Variants in POLR1A observed in about 807,000 individuals in gnomAD.
The protein encoded by POLR1A is DNA-directed RNA polymerase I subunit RPA1.
Under a neutral mutation model 205.3 loss-of-function variants are expected in POLR1A, and 84 were observed. The ratio of observed to expected loss-of-function variants is 0.41; its 90% CI spans 0.34 to 0.49. The LOEUF (loss-of-function observed/expected upper bound fraction) is 0.49, where lower values mean the gene tolerates loss of function less well. Ranked by LOEUF, POLR1A falls within the 20% of genes least tolerant of loss-of-function variation. The probability of loss-of-function intolerance (pLI) is 0.22; values close to 1 mark genes in which losing one functional copy is unlikely to be tolerated. For synonymous variants in POLR1A, 799 were observed against 863.7 expected, an observed-to-expected ratio of 0.93 and a Z score of 1.31; for missense variants, 1,645 against 2,204.5, an observed-to-expected ratio of 0.75 and a Z score of 5.08.
At chr2:86,045,808 A>G in intron 19 of POLR1A, 39 bp from the exon 20 acceptor site, 1 of 1,574,290 alleles carries the variant, frequency 6.4e-7, no homozygotes, top group African/African-American at 1.4e-5. Context: ...GAAGATCCAC[A>G]TGTGTGTTTA....
chr2:86,047,182 T>C lies in POLR1A; in HGVS notation c.2716A>G (p.Thr906Ala), dbSNP rs1425935611. ...MMVQSGAKGS[T>A]VNTMQISCLL... is the part of the protein sequence containing the mutation. ...GCACATACCTGCATCGTGTTCACAG[T>C]TGAACCTTTGGCTCCCGACTGCACC... The change falls in exon 19 of 34, where the codon ACT becomes GCT. Residue 906 changes from threonine (T) to alanine (A), a missense_variant. Transcript: ENST00000263857. 1.9e-6 allele frequency: 3 copies of C among 1,613,918 alleles called. No individual in the cohort carries two copies. The highest frequency in any genetic ancestry group is 1.3e-5 in the African/African-American group (1 of 74,934).
chr2:86,092,830 AAAAG>A (rs1187044291), intron 3 of POLR1A, among the ~76,000 whole-genome samples: 1 of 152,210 alleles, frequency 6.6e-6, no homozygotes. Flanking sequence ...CTCTCAAAAA[AAAAG>A]AAAGAATTAT....
chr2:86,038,956 G>T, intron 26 of POLR1A, 99 bp from the exon 27 acceptor site: 6 of 1,118,646 alleles, frequency 5.4e-6, no homozygotes, highest in Non-Finnish European at 8.0e-6. Flanking sequence ...AGAGATAGCA[G>T]CTGAGACCAC....
At position 86,031,488 on chromosome 2, in the gene POLR1A, G is replaced by T. The variant is rs780216421; in HGVS notation, c.4420C>A (p.Pro1474Thr). ...EEVGLGTEED[P>T]SLPALLTQPR... ...TGCGTCAGGAGGGCGGGAAGGGACG[G>T]GTCCTCCTCAGTGCCTAAGCCCACC... is the stretch of plus-strand genomic sequence containing the variant. Residue 1474 changes from proline to threonine, a missense_variant, in exon 30 of 34, where the codon CCG becomes ACG. Pro to Thr is a conservative substitution (Grantham distance 38, BLOSUM62 -1). This residue lies in a region of POLR1A where 394 missense variants were observed against 468.5 expected (regional missense o/e 0.84). Transcript: ENST00000263857. 5 of 1,614,116 alleles carry T rather than the reference G, an allele frequency of 3.1e-6. No individual in the cohort carries two copies. In the South Asian group the frequency reaches 5.5e-5, roughly 18 times the overall value.
intron 1 of POLR1A, among the ~76,000 whole-genome samples, chr2:86,102,507 T>C (rs1299295474): frequency 6.6e-6 from 1 of 152,252 alleles, no homozygotes; most frequent in Admixed American, 6.5e-5. Context: ...TCTTTTTATG[T>C]TCTAGATATC....
In POLR1A at chr2:86,027,023, C is replaced by T. The variant is rs2104375212; in HGVS notation, c.*400G>A. On this transcript the variant is annotated 3_prime_UTR_variant, in exon 34 of 34. Coordinates refer to ENST00000263857, the MANE Select transcript of POLR1A (RefSeq NM_015425.6). ...ACAGCAAAAGAACCCCGCTTCCCTA[C>T]TCTGGAGGTGCCTGGGGTCCCCAGC... 1 of 200,346 alleles carries T rather than the reference C, an allele frequency of 5.0e-6. No individual in the cohort carries two copies. Among genetic ancestry groups the T allele is most frequent in the African/African-American group, 2.3e-5 (1 of 43,964 alleles). The allele number at this position is 200,346 out of a possible 1,614,324, so 12.4% of individuals were successfully genotyped here.
Position 86,039,480 on chromosome 2 carries a change from C to G in POLR1A, c.3741-18G>C, listed in dbSNP as rs372948671. The G allele has an allele frequency of 1.9e-6, 3 of 1,613,998 alleles. No homozygotes were observed. The African/African-American group carries it at 4.0e-5, about 22-fold the overall frequency. ...CCCGCAACCTGTCACAGAATAAGGG[C>G]ACATCCAATCATGAGTGGCAACCAG... On this transcript the variant is annotated intron_variant, in intron 25 of 33. Transcript: ENST00000263857.
At chr2:86,053,979 C>A (rs189179607) in intron 15 of POLR1A, among the ~76,000 whole-genome samples, 161 bp downstream of exon 15, 1 of 152,352 alleles carries the variant, frequency 6.6e-6, no homozygotes, top group African/African-American at 2.4e-5. Flanking sequence ...ACCCTGAACC[C>A]TTCCGAAACA....
At chr2:86,046,608 G>C (rs1443629094) in intron 19 of POLR1A, among the ~76,000 whole-genome samples, 2 of 152,144 alleles carry the variant, frequency 1.3e-5, no homozygotes, top group Admixed American at 6.5e-5. Flanking sequence ...CACTTTGGGA[G>C]GTCGAGGTGG....
chr2:86,088,091 G>C (rs867443866), intron 6 of POLR1A, among the ~76,000 whole-genome samples: 1 of 152,188 alleles, frequency 6.6e-6, no homozygotes, highest in Non-Finnish European at 1.5e-5. Flanking sequence ...GGGTAGGGCA[G>C]AGCTGAGGAA....
At chr2:86,072,387 C>G (rs1673195952) in intron 12 of POLR1A, among the ~76,000 whole-genome samples, 1 of 152,238 alleles carries the variant, frequency 6.6e-6, no homozygotes, top group Non-Finnish European at 1.5e-5. Context: ...AGACCTGTGG[C>G]CCAAGCCCAA....
At chr2:86,061,910 G>T (rs1288534152) in intron 14 of POLR1A, among the ~76,000 whole-genome samples, 1 of 152,182 alleles carries the variant, frequency 6.6e-6, no homozygotes, top group African/African-American at 2.4e-5. Context: ...GTGAGAGTTT[G>T]CAAAGATGTA....
rs772592002 is a variant in POLR1A at position 86,081,621 on chromosome 2, G to A, written c.903C>T (p.Phe301=). ...RFNPSVFFLD[F]LVVPPSRYRP... is the part of the protein sequence containing the mutation. Reference sequence around the variant, plus strand: ...ATTACCTTGAGGGCGGCACCACCAAGAAATCTAGAAAGAACACACTGGGAT... The same window carrying A: ...ATTACCTTGAGGGCGGCACCACCAAAAAATCTAGAAAGAACACACTGGGAT... The change falls in exon 8 of 34, where the codon TTC becomes TTT. Residue 301 remains phenylalanine, a synonymous_variant. Coordinates refer to ENST00000263857, the MANE Select transcript of POLR1A (RefSeq NM_015425.6). 2.3e-5 allele frequency: 37 copies of A among 1,604,804 alleles called. No individual in the cohort carries two copies. The highest frequency in any genetic ancestry group is 3.1e-5 in the Non-Finnish European group (36 of 1,175,630).
intron 6 of POLR1A, among the ~76,000 whole-genome samples, chr2:86,084,356 G>A (rs1351879020): frequency 1.3e-5 from 2 of 151,830 alleles, no homozygotes; most frequent in Non-Finnish European, 2.9e-5. Context: ...GGCAGAGGCT[G>A]TAGGGAGCCG....
At chr2:86,074,067 G>A (rs1251411887) in intron 12 of POLR1A, among the ~76,000 whole-genome samples, 1 of 152,166 alleles carries the variant, frequency 6.6e-6, no homozygotes, top group Non-Finnish European at 1.5e-5. Flanking sequence ...CAGTAATACA[G>A]GCAGTGTATT....
Position 86,021,713 on chromosome 2 carries a change from A to T in POLR1A, c.*5710T>A, listed in dbSNP as rs1690141312. On this transcript the variant is annotated 3_prime_UTR_variant, in exon 34 of 34. Transcript: ENST00000263857. ...AGGGCCCACATAGCTTGTGCATCTT[A>T]GGGTGCCTGGGACACAGTGGAGATC... 1 of 152,312 alleles carries T rather than the reference A, an allele frequency of 6.6e-6. No homozygotes were observed. Among genetic ancestry groups the T allele is most frequent in the Non-Finnish European group, 1.5e-5 (1 of 68,138 alleles). The allele number at this position is 152,312 out of a possible 1,614,324, so 9.4% of individuals were successfully genotyped here.
In POLR1A at chr2:86,047,229, G is replaced by A. The variant is rs769183875; in HGVS notation, c.2669C>T (p.Pro890Leu). The A allele has an allele frequency of 5.6e-6, 9 of 1,613,920 alleles. No individual in the cohort carries two copies. The African/African-American group carries it at 1.1e-4, about 19-fold the overall frequency. ...CMPFGLHRQF[P>L]ENSLQMMVQS... ...CACCATCATCTGCAGGCTGTTCTCT[G>A]GGAACTGTCTGTGTAGGCCAAAAGG... is the stretch of plus-strand genomic sequence containing the variant. Residue 890 changes from proline to leucine, a missense_variant, in exon 19 of 34, where the codon CCA becomes CTA. By Grantham distance (98) the Pro-to-Leu change is moderately conservative. Around this residue, in one of 16 missense-constraint regions of POLR1A, gnomAD observed 339 missense variants for 415.1 expected, o/e 0.82. Transcript: ENST00000263857.
intron 25 of POLR1A, 119 bp from the exon 26 acceptor site, chr2:86,039,581 C>T: frequency 8.4e-7 from 1 of 1,188,346 alleles, no homozygotes; most frequent in Non-Finnish European, 1.2e-6. Flanking sequence ...GGGGATCTCA[C>T]AGGGATAATA....
intron 4 of POLR1A, 43 bp from the exon 5 acceptor site, chr2:86,088,913 T>A (rs1673554042): frequency 7.3e-7 from 1 of 1,361,588 alleles, no homozygotes; most frequent in Non-Finnish European, 1.0e-6. Context: ...AGTGCCATTT[T>A]GAAGAGAATC....
Sources: gnomAD v4.1 joint callset for allele counts (sites outside exome capture counted in the v4.1 genomes callset) on GRCh38, gnomAD v4.1.1 for gene constraint, gnomAD v4.1.1 regional missense constraint, MANE v1.5 for transcripts, NCBI Gene and HGNC (gene_info 2026-07-23, HGNC 2026-07-21) for gene names.